TRPC1: variants seen among roughly 807,000 people sequenced by gnomAD.
TRPC1 encodes the protein short transient receptor potential channel 1.
In TRPC1, 42 loss-of-function variants were observed where a neutral mutation model predicts 88.2. That is an observed-to-expected ratio of 0.48 (90% CI 0.37 to 0.62). TRPC1 has a LOEUF of 0.62. Ranked by LOEUF, TRPC1 falls within the 20% of genes least tolerant of loss-of-function variation. The pLI is 0.00. For missense variants in TRPC1, 699 were observed against 957.3 expected, an observed-to-expected ratio of 0.73 and a Z score of 3.56; for synonymous variants, 288 against 331.8, an observed-to-expected ratio of 0.87 and a Z score of 1.43.
At chr3:142,764,279 G>T (rs1935311514) in intron 4 of TRPC1, among the ~76,000 whole-genome samples, 1 of 151,992 alleles carries the variant, frequency 6.6e-6, no homozygotes, top group Non-Finnish European at 1.5e-5. Flanking sequence ...CTAGAGATAT[G>T]AATGGATTGT....
chr3:142,804,750 C>G, intron 12 of TRPC1, 120 bp downstream of exon 12: 2 of 810,082 alleles, frequency 2.5e-6, no homozygotes, highest in East Asian at 2.7e-5. Context: ...CTTTTTTTCA[C>G]TGCTATATAC....
chr3:142,775,068 TA>T (rs764356361), intron 4 of TRPC1, among the ~76,000 whole-genome samples: 5 of 152,174 alleles, frequency 3.3e-5, no homozygotes, highest in Admixed American at 1.3e-4. Context: ...AATTACATAT[TA>T]TTTTTTTCTC....
At chr3:142,789,361 T>C (rs750956110) in intron 7 of TRPC1, among the ~76,000 whole-genome samples, 8 of 152,202 alleles carry the variant, frequency 5.3e-5, no homozygotes, top group Non-Finnish European at 1.2e-4. Context: ...GACTATTTCA[T>C]TTTACATTTT....
At chr3:142,786,244 T>C (rs1936130926) in intron 7 of TRPC1, among the ~76,000 whole-genome samples, 1 of 152,202 alleles carries the variant, frequency 6.6e-6, no homozygotes, top group South Asian at 2.1e-4. Context: ...TGGCACAAAG[T>C]ACTGAGTGTA....
At chr3:142,769,004 C>T (rs1403792187) in intron 4 of TRPC1, among the ~76,000 whole-genome samples, 1 of 151,850 alleles carries the variant, frequency 6.6e-6, no homozygotes, top group Non-Finnish European at 1.5e-5. Context: ...TATTTCTGTG[C>T]CTCTTCATTT....
Position 142,724,778 on chromosome 3 carries a change from C to CAAA in TRPC1, c.172+47_172+48insAAA, listed in dbSNP as rs760651299. ...CCTCTGGACGCCCCTGTCCTCCAGA[C>CAAA]CTTTAGTCCTCTCCCCCGCCTCAAC... is the stretch of plus-strand genomic sequence containing the variant. On this transcript the variant is annotated intron_variant, in intron 1 of 12. Transcript: ENST00000476941. The surrounding 1 kb of genome is among the most constrained non-coding windows in gnomAD (Gnocchi z 5.6). 6.8e-6 allele frequency: 10 copies of CAAA among 1,468,506 alleles called. No homozygotes were observed. In the Admixed American group the frequency reaches 2.3e-4, roughly 33 times the overall value. The allele number at this position is 1,468,506 out of a possible 1,614,324, so 91.0% of individuals were successfully genotyped here.
chr3:142,754,122 C>G (rs1577964484), intron 4 of TRPC1, among the ~76,000 whole-genome samples: 2 of 144,280 alleles, frequency 1.4e-5, no homozygotes, highest in African/African-American at 5.1e-5. Context: ...AAGAGAGAGA[C>G]AATTGTTTTT....
intron 2 of TRPC1, among the ~76,000 whole-genome samples, chr3:142,736,842 C>G (rs1478308794): frequency 6.6e-6 from 1 of 152,052 alleles, no homozygotes; most frequent in East Asian, 1.9e-4. Context: ...CCTATGTTAA[C>G]ACTATTTATA....
At chr3:142,733,288 G>C (rs1464482394) in intron 1 of TRPC1, among the ~76,000 whole-genome samples, 1 of 152,170 alleles carries the variant, frequency 6.6e-6, no homozygotes, top group Non-Finnish European at 1.5e-5. Flanking sequence ...AAGGCGGGCA[G>C]ATCACTTGAG....
At chr3:142,733,479 C>T (rs1459827750) in intron 1 of TRPC1, among the ~76,000 whole-genome samples, 1 of 152,126 alleles carries the variant, frequency 6.6e-6, no homozygotes, top group Admixed American at 6.5e-5. Context: ...CCATTGTACT[C>T]CTCCAGCCTG....
chr3:142,731,711 C>T (rs1481317001), intron 1 of TRPC1, among the ~76,000 whole-genome samples: 1 of 151,964 alleles, frequency 6.6e-6, no homozygotes, highest in African/African-American at 2.4e-5. Context: ...ACCGATAACT[C>T]TAGCTGTGGA....
At chr3:142,743,873 A>T (rs1373376692) in intron 3 of TRPC1, among the ~76,000 whole-genome samples, 1 of 152,136 alleles carries the variant, frequency 6.6e-6, no homozygotes, top group East Asian at 1.9e-4. Flanking sequence ...TAGTTTGCAG[A>T]TAGATAAGAA....
At chr3:142,793,096 A>T in intron 9 of TRPC1, 129 bp downstream of exon 9, 1 of 767,502 alleles carries the variant, frequency 1.3e-6, no homozygotes, top group South Asian at 2.7e-5. Flanking sequence ...ATAAGTAGCA[A>T]TTAGAAGGAC....
intron 4 of TRPC1, among the ~76,000 whole-genome samples, chr3:142,763,987 C>T (rs1355300464): frequency 0.041 from 1,047 of 25,456 alleles, 74 homozygotes; most frequent in African/African-American, 0.28. Context: ...TATATATACA[C>T]ATACATACAT....
At chr3:142,775,756 C>T (rs950919250) in intron 4 of TRPC1, among the ~76,000 whole-genome samples, 19 of 152,020 alleles carry the variant, frequency 1.2e-4, no homozygotes, top group African/African-American at 4.1e-4. Context: ...AGGCAAGTTA[C>T]AGAGGAAGAA....
intron 2 of TRPC1, 45 bp from the exon 3 acceptor site, chr3:142,743,440 C>T (rs1432011448): frequency 1.9e-5 from 26 of 1,334,310 alleles, no homozygotes; most frequent in Middle Eastern, 1.9e-4. Flanking sequence ...AGTAGTTTAC[C>T]TTTTTATCTT....
chr3:142,739,342 A>T (rs926355582), intron 2 of TRPC1, among the ~76,000 whole-genome samples: 3 of 152,192 alleles, frequency 2.0e-5, no homozygotes, highest in African/African-American at 7.2e-5. Flanking sequence ...ACTTGCCCAA[A>T]GTCATTCTGT....
At position 142,781,811 on chromosome 3, in the gene TRPC1, T is replaced by C. The variant is rs1935966787; in HGVS notation, c.960+782T>C. 2.6e-5 allele frequency among the ~76,000 whole-genome samples: 4 copies of C among 152,298 alleles called. 1 individual carries two copies. In the South Asian group the frequency reaches 8.3e-4, roughly 32 times the overall value. On this transcript the variant is annotated intron_variant, in intron 6 of 12. Transcript: ENST00000476941. ...TATTAGGTATTACTTCTAAGACTATTTTCATTGTTAACATAGATGTTTAAA... is the reference window on the plus strand; with the variant it reads ...TATTAGGTATTACTTCTAAGACTATCTTCATTGTTAACATAGATGTTTAAA...
intron 9 of TRPC1, among the ~76,000 whole-genome samples, chr3:142,794,827 C>T (rs548917090): frequency 2.0e-5 from 3 of 152,124 alleles, no homozygotes; most frequent in Non-Finnish European, 4.4e-5. Context: ...CTAGTTTCAA[C>T]GAACAAATAT....
Sources: gnomAD v4.1 joint callset for allele counts (sites outside exome capture counted in the v4.1 genomes callset) on GRCh38, gnomAD v4.1.1 for gene constraint, Gnocchi (gnomAD v3.1) non-coding constraint, MANE v1.5 for transcripts, NCBI Gene and HGNC (gene_info 2026-07-23, HGNC 2026-07-21) for gene names.